The following ATP11A variants were observed in gnomAD, a reference collection of about 807,000 sequenced individuals.
The protein encoded by ATP11A is phospholipid-transporting ATPase IH.
A neutral mutation model predicts 154.4 loss-of-function variants in ATP11A; 81 were observed. The ratio of observed to expected loss-of-function variants is 0.52; its 90% CI spans 0.44 to 0.63. ATP11A has a LOEUF of 0.63. Among genes scored for constraint, ATP11A ranks in the 30% least tolerant of loss-of-function variants. The pLI is 0.00. For missense variants in ATP11A, 1,316 were observed against 1,474.3 expected (o/e 0.89, Z 1.76); for synonymous variants, 623 against 585.9 (o/e 1.06, Z -0.91).
Position 112,878,268 on chromosome 13 carries a change from C to T in ATP11A, c.3379C>T (p.Gln1127Ter). ...VEQSTIFMLS[Q>*]TSSSLSF ...GCAGTCAACCATCTTTATGCTTTCT[C>T]AGACTTCCAGCAGCCTGAGTTTCTG... Residue 1127 changes from glutamine (Q) to a stop codon, truncating the protein, a stop_gained, in exon 29 of 30, where the codon CAG (glutamine) becomes TAG (stop). Transcript: ENST00000375645. LOFTEE classifies it high-confidence loss of function. The T allele has an allele frequency of 1.9e-6, 3 of 1,614,238 alleles. No individual in the cohort carries two copies. The highest frequency in any genetic ancestry group is 1.1e-5 in the South Asian group (1 of 91,086).
intron 17 of ATP11A, among the ~76,000 whole-genome samples, chr13:112,843,389 T>C (rs1260337904): frequency 6.6e-6 from 1 of 152,202 alleles, no homozygotes; most frequent in African/African-American, 2.4e-5. Context: ...CCACGGTGTC[T>C]GCACCCTTCT....
chr13:112,804,762 A>G (rs1458888541), intron 2 of ATP11A, among the ~76,000 whole-genome samples, 195 bp from the exon 3 acceptor site: 2 of 152,174 alleles, frequency 1.3e-5, no homozygotes, highest in African/African-American at 4.8e-5. Flanking sequence ...TAATTTACAT[A>G]CGTGTTTCAG....
chr13:112,703,145 T>C (rs1383049849), intron 1 of ATP11A: 2 of 152,238 alleles, frequency 1.3e-5, no homozygotes, highest in East Asian at 3.8e-4. Flanking sequence ...GTTTACGCAA[T>C]AGAAATTTAT....
chr13:112,813,123 G>T (rs372502559), intron 5 of ATP11A, among the ~76,000 whole-genome samples: 4 of 152,208 alleles, frequency 2.6e-5, no homozygotes, highest in African/African-American at 7.2e-5. Context: ...TTCCTACAAC[G>T]GCAGACATCC....
chr13:112,704,100 C>T lies in ATP11A; in HGVS notation c.39+13645C>T, dbSNP rs188319432. 9.2e-5 allele frequency among the ~76,000 whole-genome samples: 14 copies of T among 152,294 alleles called. No individual in the cohort carries two copies. The South Asian group carries it at 2.5e-3, about 27-fold the overall frequency. ...GATACGCTGGTCCTGCTGTCCCAGG[C>T]GGGGGAGTCACGGGAGGGCTCGAGT... On this transcript the variant is annotated intron_variant, in intron 1 of 29. Transcript: ENST00000375645.
At chr13:112,874,974 C>G (rs1417310733) in intron 27 of ATP11A, among the ~76,000 whole-genome samples, 1 of 152,142 alleles carries the variant, frequency 6.6e-6, no homozygotes, top group African/African-American at 2.4e-5. Context: ...AAACATTGAC[C>G]CCACGTCTTT....
At chr13:112,772,478 A>G (rs2077248732) in intron 1 of ATP11A, among the ~76,000 whole-genome samples, 1 of 152,198 alleles carries the variant, frequency 6.6e-6, no homozygotes, top group Non-Finnish European at 1.5e-5. Flanking sequence ...GTTTTATTAT[A>G]TTTACCAAGC....
In ATP11A at chr13:112,856,095, GC is replaced by G; in HGVS notation, c.2418+13del. The G allele has an allele frequency of 6.2e-6, 10 of 1,607,108 alleles. No homozygotes were observed. The highest frequency in any genetic ancestry group is 8.5e-6 in the Non-Finnish European group (10 of 1,176,862). ...CTTGCAGAAGGCTCAGGTGCTGCCC[GC>G]CCGTCCTCGATAGCTGGTGGTCAGG... On this transcript the variant is annotated intron_variant, in intron 20 of 29. Coordinates refer to ENST00000375645, the MANE Select transcript of ATP11A (RefSeq NM_015205.3).
intron 6 of ATP11A, among the ~76,000 whole-genome samples, chr13:112,818,157 G>A (rs2078695135): frequency 6.6e-6 from 1 of 151,136 alleles, no homozygotes; most frequent in Admixed American, 6.6e-5. Context: ...GTGACCGTGT[G>A]TGCGCTTGGT....
At position 112,883,119 on chromosome 13, in the gene ATP11A, TCTC is replaced by T. The variant is rs10566715; in HGVS notation, c.*1257_*1259del. The T allele has an allele frequency of 0.95, 372,015 of 392,836 alleles. 176,693 individuals carry two copies. The highest frequency in any genetic ancestry group is 0.98 in the South Asian group (7,431 of 7,586). The allele number at this position is 392,836 out of a possible 1,614,324, so 24.3% of individuals were successfully genotyped here. A position where few individuals can be genotyped will look rare whatever the true frequency, so the allele number is the denominator to read the frequency against. On this transcript the variant is annotated 3_prime_UTR_variant, in exon 30 of 30. Transcript: ENST00000375645. ...GTCACCTCGTCCCCACGTCCCCTCG[TCTC>T]CTCATCCCCACGTCCTCTCGTCCCC... is the stretch of plus-strand genomic sequence containing the variant.
chr13:112,765,644 GAGAGACCTAAGA>G (rs1202491074), intron 1 of ATP11A, among the ~76,000 whole-genome samples: 1 of 152,220 alleles, frequency 6.6e-6, no homozygotes, highest in Non-Finnish European at 1.5e-5. Context: ...ACGGGTTTGA[GAGAGACCTAAGA>G]ACCATTCGAT....
chr13:112,691,339 CTGGG>C (rs1885145365), intron 1 of ATP11A, among the ~76,000 whole-genome samples: 1 of 151,854 alleles, frequency 6.6e-6, no homozygotes, highest in South Asian at 2.1e-4. Flanking sequence ...TGGTAGGCGC[CTGGG>C]ATCCCAGCTA....
In ATP11A at chr13:112,838,672, C is replaced by T. The variant is rs2079307806; in HGVS notation, c.1705+2421C>T. Among the ~76,000 whole-genome samples, 1 of 152,196 alleles carries T rather than the reference C, an allele frequency of 6.6e-6. No homozygotes were observed. Among genetic ancestry groups the T allele is most frequent in the South Asian group, 2.1e-4 (1 of 4,834 alleles). On this transcript the variant is annotated intron_variant, in intron 16 of 29. Coordinates refer to ENST00000375645, the MANE Select transcript of ATP11A (RefSeq NM_015205.3). The surrounding 1 kb of genome is among the most constrained non-coding windows in gnomAD (Gnocchi z 7.3). ...AGAGCCGCTGGATCACTCGAAGAAT[C>T]CGGGTTGGAGGCATTTGTGCCATGA...
intron 1 of ATP11A, among the ~76,000 whole-genome samples, chr13:112,772,277 G>A (rs920590130): frequency 6.6e-6 from 1 of 152,296 alleles, no homozygotes; most frequent in East Asian, 1.9e-4. Flanking sequence ...AGAAGCCTAC[G>A]TTTGTGCAGA....
In ATP11A at chr13:112,751,530, C is replaced by T. The variant is rs185328687; in HGVS notation, c.40-33605C>T. Among the ~76,000 whole-genome samples, 835 of 152,004 alleles carry T rather than the reference C, an allele frequency of 5.5e-3. 7 individuals carry two copies. Among genetic ancestry groups the T allele is most frequent in the Non-Finnish European group, 8.5e-3 (575 of 67,994 alleles). On this transcript the variant is annotated intron_variant, in intron 1 of 29. Coordinates refer to ENST00000375645, the MANE Select transcript of ATP11A (RefSeq NM_015205.3). ...CAAAAATTAGCCGGATGTGGTGACG[C>T]GCACCTGTAATCCCAGCTACTAGGG...
chr13:112,799,068 G>A (rs970789745), intron 2 of ATP11A, among the ~76,000 whole-genome samples: 5 of 152,284 alleles, frequency 3.3e-5, no homozygotes, highest in Admixed American at 2.0e-4. Context: ...GATAAAGAGG[G>A]GCATTGCCAA....
intron 1 of ATP11A, among the ~76,000 whole-genome samples, chr13:112,695,638 C>G (rs1885718258): frequency 6.6e-6 from 1 of 152,154 alleles, no homozygotes; most frequent in Non-Finnish European, 1.5e-5. Flanking sequence ...GATAAGAACA[C>G]TGTCTTCAGT....
chr13:112,862,038 A>G (rs1381941584), intron 24 of ATP11A, among the ~76,000 whole-genome samples: 1 of 152,146 alleles, frequency 6.6e-6, no homozygotes, highest in Non-Finnish European at 1.5e-5. Flanking sequence ...CGTCAGGCGT[A>G]AGGTGTCACA....
chr13:112,833,808 A>G (rs2079159941), intron 14 of ATP11A, among the ~76,000 whole-genome samples: 1 of 152,190 alleles, frequency 6.6e-6, no homozygotes, highest in Admixed American at 6.5e-5. Context: ...TTCTTGAAAC[A>G]CAAGTGCCCA....
Sources: allele counts gnomAD v4.1 joint callset (sites outside exome capture counted in the v4.1 genomes callset), GRCh38; gene constraint gnomAD v4.1.1; non-coding constraint Gnocchi (gnomAD v3.1); transcripts MANE v1.5; gene names NCBI Gene and HGNC (gene_info 2026-07-23, HGNC 2026-07-21).